The following TANC2 variants were observed in gnomAD, a reference collection of about 807,000 sequenced individuals.
TANC2 encodes the protein tetratricopeptide repeat, ankyrin repeat and coiled-coil containing 2, also known as protein TANC2.
Under a neutral mutation model 210.5 loss-of-function variants are expected in TANC2, and 26 were observed. The observed-to-expected ratio is 0.12, with a 90% confidence interval of 0.09 to 0.17. The LOEUF (loss-of-function observed/expected upper bound fraction) is 0.17, where lower values mean the gene tolerates loss of function less well. Among genes scored for constraint, TANC2 ranks in the 10% least tolerant of loss-of-function variants. The pLI is 1.00. For synonymous variants in TANC2, 931 were observed against 967.1 expected (o/e 0.96, Z 0.69); for missense variants, 2,129 against 2,608.9 (o/e 0.82, Z 4.01).
chr17:63,180,881 G>T (rs901543765), intron 5 of TANC2, among the ~76,000 whole-genome samples: 1 of 151,550 alleles, frequency 6.6e-6, no homozygotes, highest in Non-Finnish European at 1.5e-5. Flanking sequence ...AAAAGTAGCC[G>T]GCCATGGTGG....
chr17:63,425,402 T>C (rs1215150628), exon 28 of TANC2: 1 of 152,226 alleles, frequency 6.6e-6, no homozygotes, highest in African/African-American at 2.4e-5. Context: ...TATAGTAGTT[T>C]ATGAGCCCCT....
chr17:63,065,011 A>G lies in TANC2; in HGVS notation c.68-8932A>G, dbSNP rs989631587. On this transcript the variant is annotated intron_variant, in intron 2 of 27. Transcript: ENST00000689528. The stretch of plus-strand genomic sequence containing the variant: ...CATTTCTCCTATCAAACTAAACTCA[A>G]TACCCTTTGAGCAGCATTTCCCCGT... Among the ~76,000 whole-genome samples the G allele has an allele frequency of 1.2e-4, 18 of 152,188 alleles. No individual in the cohort carries two copies. The East Asian group carries it at 1.3e-3, about 11-fold the overall frequency.
At chr17:63,037,885 A>T (rs1480793703) in intron 2 of TANC2, among the ~76,000 whole-genome samples, 1 of 152,010 alleles carries the variant, frequency 6.6e-6, no homozygotes, top group Non-Finnish European at 1.5e-5. Context: ...AAACTAACTT[A>T]TTAGTTCTAA....
chr17:63,026,014 C>T (rs2034539973), intron 2 of TANC2, among the ~76,000 whole-genome samples: 1 of 151,942 alleles, frequency 6.6e-6, no homozygotes, highest in Non-Finnish European at 1.5e-5. Flanking sequence ...TACTCGAGGA[C>T]TCCTATGCAT....
At chr17:63,019,035 T>A (rs1003986586) in intron 2 of TANC2, among the ~76,000 whole-genome samples, 1 of 152,210 alleles carries the variant, frequency 6.6e-6, no homozygotes, top group Non-Finnish European at 1.5e-5. Flanking sequence ...ATAAACATAA[T>A]TTTTTATTTC....
chr17:63,096,821 C>T (rs1191808920), intron 3 of TANC2, among the ~76,000 whole-genome samples: 1 of 152,000 alleles, frequency 6.6e-6, no homozygotes, highest in African/African-American at 2.4e-5. Context: ...TTTGAGGAAC[C>T]ACCGTCTTAC....
At chr17:62,978,859 C>T (rs967169876) in intron 1 of TANC2, 2 of 152,104 alleles carry the variant, frequency 1.3e-5, no homozygotes, top group Non-Finnish European at 2.9e-5. Context: ...CTGCTGGCTG[C>T]AACTGTGGGA....
At chr17:63,236,108 C>A (rs2146040195) in intron 7 of TANC2, among the ~76,000 whole-genome samples, 1 of 151,890 alleles carries the variant, frequency 6.6e-6, no homozygotes, top group Non-Finnish European at 1.5e-5. Flanking sequence ...TTCTTTGTTA[C>A]ATATTAGAAG....
chr17:63,325,797 T>C (rs1358825970), intron 11 of TANC2, among the ~76,000 whole-genome samples: 2 of 152,222 alleles, frequency 1.3e-5, no homozygotes, highest in Non-Finnish European at 2.9e-5. Flanking sequence ...ATCAGATTCA[T>C]GTGTTCCGGG....
chr17:63,284,554 T>C (rs2044162626), intron 9 of TANC2, among the ~76,000 whole-genome samples: 1 of 152,078 alleles, frequency 6.6e-6, no homozygotes, highest in Admixed American at 6.6e-5. Context: ...TCTGGGGAAC[T>C]TCCAGATATA....
chr17:63,109,879 A>G (rs2037968118), intron 4 of TANC2, among the ~76,000 whole-genome samples: 1 of 151,664 alleles, frequency 6.6e-6, no homozygotes, highest in Non-Finnish European at 1.5e-5. Flanking sequence ...GCCTTGTAGA[A>G]CTATACGACA....
intron 19 of TANC2, among the ~76,000 whole-genome samples, chr17:63,399,986 G>T (rs2048293583): frequency 6.6e-6 from 1 of 152,248 alleles, no homozygotes; most frequent in South Asian, 2.1e-4. Flanking sequence ...AAAGTGTACA[G>T]CTGGAAACAG....
At chr17:63,059,031 G>A (rs182153432) in intron 2 of TANC2, among the ~76,000 whole-genome samples, 63 of 152,274 alleles carry the variant, frequency 4.1e-4, no homozygotes, top group African/African-American at 1.4e-3. Context: ...GCTTTGGGCA[G>A]TATAGCCATT....
At position 62,966,314 on chromosome 17, in the gene TANC2, G is replaced by C. The variant is rs1053867552; in HGVS notation, c.-459G>C. ...CGGGGCCCGCTGGCACAGCCGCCTC[G>C]CGCGAGCCGCCCGCCCGGCGGGGGA... On this transcript the variant is annotated 5_prime_UTR_variant, in exon 1 of 28. Coordinates refer to ENST00000689528, the Ensembl canonical transcript of TANC2. The surrounding 1 kb of genome is among the most constrained non-coding windows in gnomAD (Gnocchi z 5.1). 6.8e-6 allele frequency among the ~76,000 whole-genome samples: 1 copy of C among 146,372 alleles called. No individual in the cohort carries two copies. Among genetic ancestry groups the C allele is most frequent in the East Asian group, 2.0e-4 (1 of 5,038 alleles).
chr17:63,024,897 AGTGACT>A (rs1181764540), intron 2 of TANC2, among the ~76,000 whole-genome samples: 6 of 152,198 alleles, frequency 3.9e-5, no homozygotes, highest in African/African-American at 1.4e-4. Context: ...TCTTTGAAGT[AGTGACT>A]CAGATGTAAG....
Position 63,118,140 on chromosome 17 carries a change from T to A in TANC2, c.322+18783T>A, listed in dbSNP as rs776227040. Among the ~76,000 whole-genome samples the A allele has an allele frequency of 1.4e-3, 220 of 152,296 alleles. 1 individual carries two copies. The highest frequency in any genetic ancestry group is 3.4e-3 in the Middle Eastern group (1 of 294). The stretch of plus-strand genomic sequence containing the variant: ...ATCCTTATAAATAAAATACCTTTTT[T>A]AAAAAATAACAATATGGAAATCTAG... On this transcript the variant is annotated intron_variant, in intron 4 of 27. Coordinates refer to ENST00000689528, the Ensembl canonical transcript of TANC2.
At chr17:62,967,574 A>G (rs141077294) in intron 1 of TANC2, 6 of 152,350 alleles carry the variant, frequency 3.9e-5, no homozygotes, top group African/African-American at 1.4e-4. Context: ...AGAAACAAAC[A>G]AAACCCCAAA....
At chr17:63,161,273 G>A (rs2040015962) in intron 5 of TANC2, among the ~76,000 whole-genome samples, 1 of 152,020 alleles carries the variant, frequency 6.6e-6, no homozygotes, top group South Asian at 2.1e-4. Context: ...GAGGTGGGAG[G>A]ATCGCTTGAA....
At chr17:63,308,730 G>A (rs2045012244) in intron 9 of TANC2, among the ~76,000 whole-genome samples, 1 of 152,110 alleles carries the variant, frequency 6.6e-6, no homozygotes, top group African/African-American at 2.4e-5. Flanking sequence ...AGTTTAATTA[G>A]TTGTTGGATT....
Sources: gnomAD v4.1 joint callset for allele counts (sites outside exome capture counted in the v4.1 genomes callset) on GRCh38, gnomAD v4.1.1 for gene constraint, Gnocchi (gnomAD v3.1) non-coding constraint, MANE v1.5 for transcripts, NCBI Gene and HGNC (gene_info 2026-07-23, HGNC 2026-07-21) for gene names.